PROSER1: variants seen among roughly 807,000 people sequenced by gnomAD.
PROSER1 encodes the protein proline and serine-rich protein 1.
In PROSER1, 36 loss-of-function variants were observed where a neutral mutation model predicts 71.8. That is an observed-to-expected ratio of 0.50 (90% CI 0.38 to 0.66). PROSER1 has a LOEUF of 0.66. Ranked by LOEUF, PROSER1 falls within the 30% of genes least tolerant of loss-of-function variation. The pLI is 0.00. For missense variants in PROSER1, 1,107 were observed against 1,135.0 expected (o/e 0.98, Z 0.35); for synonymous variants, 490 against 452.4 (o/e 1.08, Z -1.06).
At chr13:39,019,426 G>C (rs188695122) in intron 9 of PROSER1, among the ~76,000 whole-genome samples, 1 of 143,436 alleles carries the variant, frequency 7.0e-6, no homozygotes, top group Admixed American at 7.2e-5. Context: ...TGAGGCAGGA[G>C]AATTGCTTGA....
chr13:39,033,456 C>T (rs982511461), intron 2 of PROSER1, among the ~76,000 whole-genome samples: 3 of 152,194 alleles, frequency 2.0e-5, no homozygotes, highest in African/African-American at 4.8e-5. Flanking sequence ...TCAATATATA[C>T]ATTTATTGTC....
At chr13:39,020,813 A>G (rs1870255505) in intron 9 of PROSER1, among the ~76,000 whole-genome samples, 1 of 152,166 alleles carries the variant, frequency 6.6e-6, no homozygotes, top group East Asian at 1.9e-4. Context: ...TTCATTGTTC[A>G]TATCCCATGT....
Position 39,014,251 on chromosome 13 carries a change from G to C in PROSER1, c.1001C>G (p.Pro334Arg). 6.2e-7 allele frequency: 1 copy of C among 1,614,140 alleles called. No individual in the cohort carries two copies. The highest frequency in any genetic ancestry group is 8.5e-7 in the Non-Finnish European group (1 of 1,180,030). ...VHTPQPSIPN[P>R]TVIRTPSLPT... ...CAATGAAGGGGTTCTGATAACTGTT[G>C]GGTTTGGTATTGATGGCTGAGGTGT... is the stretch of plus-strand genomic sequence containing the variant. The change falls in exon 11 of 13, where the codon CCA becomes CGA. Residue 334 changes from proline (P) to arginine (R), a missense_variant. Transcript: ENST00000352251.
intron 12 of PROSER1, among the ~76,000 whole-genome samples, chr13:39,011,691 T>G (rs1869667576): frequency 1.3e-5 from 2 of 152,260 alleles, no homozygotes; most frequent in Admixed American, 6.5e-5. Flanking sequence ...CATAGAACTG[T>G]CATTAAAATA....
intron 2 of PROSER1, 45 bp downstream of exon 2, chr13:39,034,086 T>A: frequency 7.3e-7 from 1 of 1,375,474 alleles, no homozygotes; most frequent in Non-Finnish European, 9.9e-7. Context: ...AACCAGAACA[T>A]TGGTATAAAA....
chr13:39,011,455 T>C lies in PROSER1; in HGVS notation c.2745A>G (p.Pro915=). The C allele has an allele frequency of 6.2e-7, 1 of 1,614,080 alleles. No homozygotes were observed. The highest frequency in any genetic ancestry group is 1.1e-5 in the South Asian group (1 of 91,082). Residue 915 remains proline, a synonymous_variant, in exon 13 of 13, where the codon CCA becomes CCG. Coordinates refer to ENST00000352251, the MANE Select transcript of PROSER1 (RefSeq NM_025138.5). ...VHSASALESY[P]AQPDGFPSYP... is the part of the protein sequence containing the mutation. The stretch of plus-strand genomic sequence containing the variant: ...AACTAGGAAACCCATCAGGCTGAGC[T>C]GGATAGCTTTCCAGAGCCGAAGCTG...
chr13:39,029,573 G>A (rs1268747684), intron 3 of PROSER1, among the ~76,000 whole-genome samples, 198 bp from the exon 4 acceptor site: 1 of 152,034 alleles, frequency 6.6e-6, no homozygotes, highest in Non-Finnish European at 1.5e-5. Flanking sequence ...CATTTCAGTT[G>A]AAGATCTAAT....
rs946889913 is a variant in PROSER1 at position 39,037,393 on chromosome 13, T to C, written c.-151A>G. ...AGAGGATGCGAAGAGGTAGAGAGTA[T>C]TGCAAACTTCGCAAAAAAAATTTCT... On this transcript the variant is annotated 5_prime_UTR_variant, in exon 1 of 13. Coordinates refer to ENST00000352251, the MANE Select transcript of PROSER1 (RefSeq NM_025138.5). 94 of 623,548 alleles carry C rather than the reference T, an allele frequency of 1.5e-4. No individual in the cohort carries two copies. Among genetic ancestry groups the C allele is most frequent in the Non-Finnish European group, 1.8e-4 (61 of 347,708 alleles). 38.6% of individuals were successfully genotyped at this position (623,548 alleles called of 1,614,324 possible).
At position 39,011,233 on chromosome 13, in the gene PROSER1, G is replaced by C. The variant is rs544046104; in HGVS notation, c.*132C>G. On this transcript the variant is annotated 3_prime_UTR_variant, in exon 13 of 13. Transcript: ENST00000352251. The stretch of plus-strand genomic sequence containing the variant: ...ATGCAACCACAATTTTCAAATTGTT[G>C]TCACAATTTCTCCAGGATTACCCTC... The C allele has an allele frequency of 3.5e-6, 3 of 869,240 alleles. No individual in the cohort carries two copies. The highest frequency in any genetic ancestry group is 3.6e-6 in the Non-Finnish European group (2 of 559,196). 53.8% of individuals were successfully genotyped at this position (869,240 alleles called of 1,614,324 possible).
chr13:39,011,962 C>CA, intron 12 of PROSER1, 121 bp downstream of exon 12: 1 of 1,026,814 alleles, frequency 9.7e-7, no homozygotes, highest in South Asian at 1.7e-5. Flanking sequence ...AATCTCTATG[C>CA]ATTCTGCTAA....
At chr13:39,011,510 G>GTT (rs745529168) in intron 12 of PROSER1, 23 bp from the exon 13 acceptor site, 2 of 1,611,448 alleles carry the variant, frequency 1.2e-6, no homozygotes, top group East Asian at 4.5e-5. Context: ...AGAGCGTGTG[G>GTT]TTTAGCAGAG....
rs748837584 is a variant in PROSER1, at chr13:39,012,156, G to C, written c.2639C>G (p.Pro880Arg). ...LLSLPGIPGF[P>R]QNPSQSSLQE... ...CAAGGATGATTGTGAAGGATTCTGA[G>C]GAAACCCAGGGATACCCGGGAGGGA... The change falls in exon 12 of 13, where the codon CCT becomes CGT. Residue 880 changes from proline (P) to arginine (R), a missense_variant. Physicochemically the swap from Pro to Arg is moderately radical, Grantham distance 103 (BLOSUM62 -2). Coordinates refer to ENST00000352251, the MANE Select transcript of PROSER1 (RefSeq NM_025138.5). 8.2e-5 allele frequency: 133 copies of C among 1,613,998 alleles called. 1 individual carries two copies. The highest frequency in any genetic ancestry group is 5.9e-6 in the Non-Finnish European group (7 of 1,179,982).
At position 39,026,195 on chromosome 13, in the gene PROSER1, T is replaced by G. The variant is rs563592137; in HGVS notation, c.480+82A>C. 4 of 869,062 alleles carry G rather than the reference T, an allele frequency of 4.6e-6. No homozygotes were observed. The South Asian group carries it at 4.9e-5, about 11-fold the overall frequency. 53.8% of individuals were successfully genotyped at this position (869,062 alleles called of 1,614,324 possible). A position where few individuals can be genotyped will look rare whatever the true frequency, so the allele number is the denominator to read the frequency against. ...ATTAAGTTACCGACATAAAATTCCT[T>G]TCCTTTAAATATCATTAACTTATTC... On this transcript the variant is annotated intron_variant, in intron 6 of 12. Coordinates refer to ENST00000352251, the MANE Select transcript of PROSER1 (RefSeq NM_025138.5).
In PROSER1 at chr13:39,012,148, G is replaced by T. The variant is rs1295994831; in HGVS notation, c.2647C>A (p.Pro883Thr). 1.2e-6 allele frequency: 2 copies of T among 1,614,178 alleles called. No homozygotes were observed. The highest frequency in any genetic ancestry group is 2.2e-5 in the South Asian group (2 of 91,086). Residue 883 changes from proline (P) to threonine (T), a missense_variant, in exon 12 of 13, where the codon CCT becomes ACT. By Grantham distance (38) the Pro-to-Thr change is conservative. Transcript: ENST00000352251. Reference protein sequence around the residue: ...LPGIPGFPQNPSQSSLQELQH... With the variant: ...LPGIPGFPQNTSQSSLQELQH... ...AATTCTTGCAAGGATGATTGTGAAG[G>T]ATTCTGAGGAAACCCAGGGATACCC...
chr13:39,027,015 G>GA (rs1870577948), intron 5 of PROSER1, among the ~76,000 whole-genome samples: 1 of 151,934 alleles, frequency 6.6e-6, no homozygotes, highest in African/African-American at 2.4e-5. Flanking sequence ...ATTAATAAAT[G>GA]AAAAAACACT....
chr13:39,017,928 T>A, intron 9 of PROSER1: 1 of 188,458 alleles, frequency 5.3e-6, no homozygotes, highest in Non-Finnish European at 1.1e-5. Flanking sequence ...CCTGCAGCTG[T>A]AGTGCAGAGA....
chr13:39,023,527 C>A (rs1314312008), intron 7 of PROSER1: 1 of 163,528 alleles, frequency 6.1e-6, no homozygotes, highest in Non-Finnish European at 1.3e-5. Context: ...CCAATGGCAA[C>A]ATCCTCCTAA....
Position 39,032,604 on chromosome 13 carries a change from T to G in PROSER1, c.112-973A>C, listed in dbSNP as rs539032267. The stretch of plus-strand genomic sequence containing the variant: ...ATAATTTTTACTCCTTATAAAGAGA[T>G]ATATATATATAGCAAATAAGTATTA... On this transcript the variant is annotated intron_variant, in intron 2 of 12. Coordinates refer to ENST00000352251, the MANE Select transcript of PROSER1 (RefSeq NM_025138.5). Among the ~76,000 whole-genome samples the G allele has an allele frequency of 2.2e-3, 328 of 151,944 alleles. 1 individual carries two copies. Among genetic ancestry groups the G allele is most frequent in the Non-Finnish European group, 3.4e-3 (232 of 67,964 alleles).
At chr13:39,018,750 C>G (rs1443580067) in intron 9 of PROSER1, among the ~76,000 whole-genome samples, 1 of 151,606 alleles carries the variant, frequency 6.6e-6, no homozygotes, top group Non-Finnish European at 1.5e-5. Flanking sequence ...ATAAGAGTAG[C>G]AGGAGGAGGG....
Sources: gnomAD v4.1 joint callset for allele counts (sites outside exome capture counted in the v4.1 genomes callset) on GRCh38, gnomAD v4.1.1 for gene constraint, MANE v1.5 for transcripts, NCBI Gene and HGNC (gene_info 2026-07-23, HGNC 2026-07-21) for gene names.